Variants in SLC2A13 observed in about 807,000 individuals in gnomAD.
The protein encoded by SLC2A13 is proton myo-inositol cotransporter.
In SLC2A13, 32 loss-of-function variants were observed where a neutral mutation model predicts 64.4. The ratio of observed to expected loss-of-function variants is 0.50; its 90% CI spans 0.37 to 0.67. The LOEUF is 0.67. Among genes scored for constraint, SLC2A13 ranks in the 30% least tolerant of loss-of-function variants. SLC2A13 has a pLI of 0.00. For synonymous variants in SLC2A13, 338 were observed against 327.1 expected, an observed-to-expected ratio of 1.03 and a Z score of -0.36; for missense variants, 743 against 829.2, an observed-to-expected ratio of 0.90 and a Z score of 1.28.
intron 7 of SLC2A13, among the ~76,000 whole-genome samples, chr12:39,769,139 T>C (rs1432750200): frequency 6.6e-6 from 1 of 152,108 alleles, no homozygotes; most frequent in African/African-American, 2.4e-5. Context: ...GGTTCCCTAA[T>C]GATGCTTATT....
At chr12:39,962,339 C>T (rs1334804259) in intron 3 of SLC2A13, among the ~76,000 whole-genome samples, 2 of 152,222 alleles carry the variant, frequency 1.3e-5, no homozygotes, top group African/African-American at 2.4e-5. Context: ...GATACGCCCA[C>T]CTTGGCCTCC....
At chr12:39,841,252 G>A (rs915508689) in intron 6 of SLC2A13, among the ~76,000 whole-genome samples, 1 of 152,114 alleles carries the variant, frequency 6.6e-6, no homozygotes, top group African/African-American at 2.4e-5. Flanking sequence ...CTAGTAGCCA[G>A]AATGGTTTTT....
chr12:39,816,681 A>T (rs1371994544), intron 7 of SLC2A13, among the ~76,000 whole-genome samples: 1 of 152,038 alleles, frequency 6.6e-6, no homozygotes, highest in African/African-American at 2.4e-5. Context: ...AATTCACTTA[A>T]TTTTTAAAAA....
intron 1 of SLC2A13, among the ~76,000 whole-genome samples, chr12:40,051,564 T>C (rs1948255312): frequency 2.0e-5 from 3 of 152,102 alleles, no homozygotes; most frequent in Non-Finnish European, 2.9e-5. Context: ...CATCAGACTA[T>C]AGCAAAGGGA....
intron 6 of SLC2A13, among the ~76,000 whole-genome samples, chr12:39,846,876 G>A (rs1318711200): frequency 6.6e-6 from 1 of 152,140 alleles, no homozygotes; most frequent in Non-Finnish European, 1.5e-5. Flanking sequence ...TCCACACAAT[G>A]TTAACTATAT....
intron 4 of SLC2A13, among the ~76,000 whole-genome samples, chr12:39,944,783 T>A (rs1206039367): frequency 6.6e-6 from 1 of 152,240 alleles, no homozygotes; most frequent in African/African-American, 2.4e-5. Flanking sequence ...CTGTGAGTTC[T>A]TATGCATTCT....
At chr12:39,877,487 G>A (rs1467929329) in intron 4 of SLC2A13, among the ~76,000 whole-genome samples, 2 of 152,100 alleles carry the variant, frequency 1.3e-5, no homozygotes, top group Non-Finnish European at 2.9e-5. Context: ...GATTTGGGTG[G>A]GGACACAGCC....
intron 1 of SLC2A13, among the ~76,000 whole-genome samples, chr12:40,058,087 A>AGATAGATT (rs1555158666): frequency 0.045 from 6,217 of 138,838 alleles, 184 homozygotes; most frequent in Middle Eastern, 0.063. Flanking sequence ...ATAGATAGAT[A>AGATAGATT]GATTGATTTA....
chr12:39,912,507 T>TTATCCTAA (rs1203861446), intron 4 of SLC2A13, among the ~76,000 whole-genome samples: 4 of 152,044 alleles, frequency 2.6e-5, no homozygotes, highest in Non-Finnish European at 5.9e-5. Context: ...CAGGAAGAAG[T>TTATCCTAA]TATCCTAATA....
intron 4 of SLC2A13, among the ~76,000 whole-genome samples, chr12:39,925,030 A>ATTTTTTTTT (rs58902176): frequency 1.7e-5 from 2 of 119,130 alleles, no homozygotes; most frequent in Non-Finnish European, 3.4e-5. Flanking sequence ...CATACAGATA[A>ATTTTTTTTT]TTTTTTTTTT....
At chr12:39,787,088 G>T (rs770567106) in intron 7 of SLC2A13, among the ~76,000 whole-genome samples, 13 of 152,036 alleles carry the variant, frequency 8.6e-5, no homozygotes, top group Non-Finnish European at 1.9e-4. Flanking sequence ...TATGTATCAG[G>T]AGTGACTCAA....
intron 7 of SLC2A13, among the ~76,000 whole-genome samples, chr12:39,813,557 A>AAAT (rs1942252522): frequency 6.6e-6 from 1 of 152,244 alleles, no homozygotes; most frequent in South Asian, 2.1e-4. Flanking sequence ...TGCACCTGAA[A>AAAT]AATTAACAAT....
At chr12:39,783,899 G>A (rs926855810) in intron 7 of SLC2A13, among the ~76,000 whole-genome samples, 4 of 152,102 alleles carry the variant, frequency 2.6e-5, no homozygotes, top group South Asian at 2.1e-4. Context: ...AAATCAATGT[G>A]CAAAAATCAC....
intron 6 of SLC2A13, among the ~76,000 whole-genome samples, chr12:39,845,180 T>C (rs1337172059): frequency 6.6e-6 from 1 of 152,058 alleles, no homozygotes; most frequent in East Asian, 1.9e-4. Context: ...TTTATGTTGA[T>C]ATAAAATATA....
chr12:39,938,060 G>A (rs1272767371), intron 4 of SLC2A13, among the ~76,000 whole-genome samples: 1 of 152,072 alleles, frequency 6.6e-6, no homozygotes, highest in African/African-American at 2.4e-5. Context: ...ACGGGTAGAG[G>A]GTAAAGAAGG....
In SLC2A13 at chr12:39,926,135, T is replaced by A. The variant is rs1478242784; in HGVS notation, c.1034+25122A>T. Reference sequence around the variant, plus strand: ...AGAACCTTAAATCATGTTTAGAACATTAAAGCAAAGAGAATGAAAATGTCC... The same window carrying A: ...AGAACCTTAAATCATGTTTAGAACAATAAAGCAAAGAGAATGAAAATGTCC... On this transcript the variant is annotated intron_variant, in intron 4 of 9. Transcript: ENST00000280871. Among the ~76,000 whole-genome samples, 6 of 152,224 alleles carry A rather than the reference T, an allele frequency of 3.9e-5. No individual in the cohort carries two copies. The East Asian group carries it at 7.7e-4, about 20-fold the overall frequency.
At chr12:39,932,430 C>T (rs530508045) in intron 4 of SLC2A13, among the ~76,000 whole-genome samples, 8 of 152,266 alleles carry the variant, frequency 5.3e-5, no homozygotes, top group South Asian at 4.1e-4. Flanking sequence ...CAATCATCAA[C>T]GTCAACATCT....
intron 4 of SLC2A13, among the ~76,000 whole-genome samples, chr12:39,910,101 C>T (rs1382647548): frequency 6.6e-6 from 1 of 152,018 alleles, no homozygotes; most frequent in Non-Finnish European, 1.5e-5. Flanking sequence ...AACCCTGTCC[C>T]CTGCTTCCTC....
intron 3 of SLC2A13, among the ~76,000 whole-genome samples, chr12:40,016,477 T>A (rs1947624039): frequency 6.6e-6 from 1 of 152,186 alleles, no homozygotes; most frequent in Non-Finnish European, 1.5e-5. Flanking sequence ...AACACCAAAT[T>A]TCACATCTAA....
Sources: gnomAD v4.1 joint callset for allele counts (sites outside exome capture counted in the v4.1 genomes callset) on GRCh38, gnomAD v4.1.1 for gene constraint, MANE v1.5 for transcripts, NCBI Gene and HGNC (gene_info 2026-07-23, HGNC 2026-07-21) for gene names.